QTMAN: variants seen among roughly 807,000 people sequenced by gnomAD.
QTMAN encodes queuosine-tRNA mannosyltransferase.
At chr2:144,108,578 G>C in the QTMAN span, among the ~76,000 whole-genome samples, 1 of 148,480 alleles carries the variant, frequency 6.7e-6, no homozygotes, top group Non-Finnish European at 1.5e-5. Flanking sequence ...GCGGAGCTTG[G>C]AGTGAGCCGA....
the QTMAN span, among the ~76,000 whole-genome samples, chr2:144,273,990 TG>T: frequency 1.3e-5 from 2 of 152,002 alleles, no homozygotes; most frequent in Admixed American, 6.6e-5. Flanking sequence ...AAAAATGAGC[TG>T]GGCGTGATGG....
the QTMAN span, among the ~76,000 whole-genome samples, chr2:144,019,890 C>T: frequency 6.6e-6 from 1 of 152,164 alleles, no homozygotes; most frequent in African/African-American, 2.4e-5. Flanking sequence ...CTTAGTGAAA[C>T]TGAAATGTGG....
chr2:144,287,935 A>G, the QTMAN span, among the ~76,000 whole-genome samples: 1 of 151,972 alleles, frequency 6.6e-6, no homozygotes, highest in Non-Finnish European at 1.5e-5. Context: ...GCTCACTGCA[A>G]CCTCCACTTA....
chr2:144,230,243 T>C, the QTMAN span: 1 of 152,168 alleles, frequency 6.6e-6, no homozygotes, highest in African/African-American at 2.4e-5. Flanking sequence ...AACTATACCA[T>C]ATGGTCCAGG....
the QTMAN span, among the ~76,000 whole-genome samples, chr2:144,268,649 T>C: frequency 5.3e-5 from 8 of 152,326 alleles, no homozygotes; most frequent in Non-Finnish European, 7.3e-5. Context: ...ATGTATTTGT[T>C]ATAACAGCCT....
the QTMAN span, among the ~76,000 whole-genome samples, chr2:144,318,661 G>GT: frequency 1.3e-5 from 2 of 152,190 alleles, no homozygotes; most frequent in Non-Finnish European, 2.9e-5. Flanking sequence ...AAAACATGCA[G>GT]TGGTGGCAGT....
At chr2:144,020,553 G>A in the QTMAN span, among the ~76,000 whole-genome samples, 2 of 152,212 alleles carry the variant, frequency 1.3e-5, no homozygotes, top group African/African-American at 4.8e-5. Flanking sequence ...AACTAAAAGA[G>A]CACCCTGTAA....
chr2:144,160,211 T>C, the QTMAN span, among the ~76,000 whole-genome samples: 1 of 152,046 alleles, frequency 6.6e-6, no homozygotes, highest in East Asian at 1.9e-4. Flanking sequence ...TCAAGGACAG[T>C]GTCTCATGCA....
chr2:143,978,159 T>A, the QTMAN span, among the ~76,000 whole-genome samples: 1 of 152,212 alleles, frequency 6.6e-6, no homozygotes, highest in Non-Finnish European at 1.5e-5. Context: ...TGCTCTCTAA[T>A]AAAACCAATT....
the QTMAN span, among the ~76,000 whole-genome samples, chr2:144,080,826 TAAGAATCTTGA>T: frequency 1.7e-3 from 264 of 152,306 alleles, no homozygotes; most frequent in African/African-American, 6.1e-3. Context: ...GAAACTTTCA[TAAGAATCTTGA>T]AGGAAAATTG....
At chr2:144,305,103 T>C in the QTMAN span, among the ~76,000 whole-genome samples, 1 of 152,362 alleles carries the variant, frequency 6.6e-6, no homozygotes, top group African/African-American at 2.4e-5. Context: ...GTTTTTAATT[T>C]TGATGAAGTC....
the QTMAN span, among the ~76,000 whole-genome samples, chr2:144,052,006 G>T: frequency 6.6e-6 from 1 of 152,128 alleles, no homozygotes; most frequent in African/African-American, 2.4e-5. Flanking sequence ...CATTATATGG[G>T]TACACATTTC....
the QTMAN span, among the ~76,000 whole-genome samples, chr2:144,057,722 C>T: frequency 1.3e-5 from 2 of 151,936 alleles, no homozygotes; most frequent in African/African-American, 4.8e-5. Flanking sequence ...TCTCTTTTTT[C>T]AAGATTCAGT....
At chr2:143,970,765 G>A in the QTMAN span, 2 of 1,432,644 alleles carry the variant, frequency 1.4e-6, no homozygotes, top group Non-Finnish European at 2.0e-6. Flanking sequence ...CATGCTCCCT[G>A]GAAATAAACA....
At chr2:144,264,243 C>T in the QTMAN span, among the ~76,000 whole-genome samples, 4 of 152,134 alleles carry the variant, frequency 2.6e-5, no homozygotes, top group East Asian at 7.7e-4. Flanking sequence ...ATAACAAAAA[C>T]TTAAAAGCTG....
the QTMAN span, among the ~76,000 whole-genome samples, chr2:143,953,375 T>G: frequency 6.6e-6 from 1 of 151,912 alleles, no homozygotes; most frequent in Non-Finnish European, 1.5e-5. Flanking sequence ...TTTGTTATTA[T>G]GCAGAATGTA....
At chr2:144,279,620 T>G in the QTMAN span, among the ~76,000 whole-genome samples, 1 of 152,164 alleles carries the variant, frequency 6.6e-6, no homozygotes, top group Admixed American at 6.5e-5. Flanking sequence ...TTTGCAAATC[T>G]AACAAGCTCT....
chr2:144,142,235 T>C, the QTMAN span, among the ~76,000 whole-genome samples: 1 of 151,888 alleles, frequency 6.6e-6, no homozygotes, highest in Admixed American at 6.6e-5. Flanking sequence ...GTTTCATTAG[T>C]GTTATATCAC....
the QTMAN span, among the ~76,000 whole-genome samples, chr2:144,189,726 T>C: frequency 3.9e-5 from 6 of 151,978 alleles, no homozygotes; most frequent in Admixed American, 3.3e-4. Context: ...TTCAAGCAAT[T>C]CTCCCGCCTC....
Sources: allele counts gnomAD v4.1 joint callset (sites outside exome capture counted in the v4.1 genomes callset), GRCh38; gene constraint gnomAD v4.1.1; transcripts MANE v1.5; gene names NCBI Gene and HGNC (gene_info 2026-07-23, HGNC 2026-07-21).